The following COL9A3 variants were observed in gnomAD, a reference collection of about 807,000 sequenced individuals.
COL9A3 encodes the protein collagen alpha-3(IX) chain.
Under a neutral mutation model 110.2 loss-of-function variants are expected in COL9A3, and 82 were observed. That is an observed-to-expected ratio of 0.74 (90% CI 0.62 to 0.89). COL9A3 has a LOEUF of 0.89. Ranked by LOEUF, COL9A3 falls within the 40% of genes least tolerant of loss-of-function variation. The pLI is 0.00. For missense variants in COL9A3, 1,066 were observed against 981.3 expected, an observed-to-expected ratio of 1.09 and a Z score of -1.15; for synonymous variants, 494 against 403.8, an observed-to-expected ratio of 1.22 and a Z score of -2.68.
intron 1 of COL9A3, 120 bp downstream of exon 1, chr20:62,817,262 G>C: frequency 1.4e-6 from 1 of 721,780 alleles, no homozygotes. Flanking sequence ...CGCCGTCGGG[G>C]CGCGGAGTCG....
intron 20 of COL9A3, 48 bp from the exon 21 acceptor site, chr20:62,829,580 C>G: frequency 1.2e-6 from 2 of 1,610,716 alleles, no homozygotes; most frequent in Non-Finnish European, 8.5e-7. Context: ...AGCGACCTGG[C>G]CCCAGTGCAG....
chr20:62,832,322 C>A, intron 25 of COL9A3, 133 bp downstream of exon 25: 2 of 899,660 alleles, frequency 2.2e-6, no homozygotes, highest in South Asian at 1.4e-5. Flanking sequence ...CTTGCCGTGT[C>A]TGTCAGTCGC....
chr20:62,827,224 C>T lies in COL9A3; in HGVS notation c.793-17C>T, dbSNP rs1341479684. ...CATGGTGTTAACTCTGTCCCTGCCC[C>T]ACCTCATCCTTTCCAGGGTGACCGA... On this transcript the variant is annotated splice_polypyrimidine_tract_variant and intron_variant, in intron 15 of 31. Transcript: ENST00000649368. 3 of 1,613,166 alleles carry T rather than the reference C, an allele frequency of 1.9e-6. No homozygotes were observed. Among genetic ancestry groups the T allele is most frequent in the Non-Finnish European group, 1.7e-6 (2 of 1,179,892 alleles).
Position 62,817,614 on chromosome 20 carries a change from G to A in COL9A3, c.126G>A (p.Lys42=). ...GPPGPPGPPG[K]PGQDGIDGEA... ...CCGGCCCCCCAGGGCCGCCCGGGAA[G>A]CCCGGCCAGGACGGCATTGACGTGA... The change falls in exon 2 of 32, where the codon AAG becomes AAA. Residue 42 remains lysine (K), a synonymous_variant. Transcript: ENST00000649368. 1 of 1,546,922 alleles carries A rather than the reference G, an allele frequency of 6.5e-7. No individual in the cohort carries two copies.
At chr20:62,837,635 T>C (rs757561095) in intron 30 of COL9A3, among the ~76,000 whole-genome samples, 89 of 149,892 alleles carry the variant, frequency 5.9e-4, no homozygotes, top group Admixed American at 3.0e-3. Context: ...GGTGAAACCC[T>C]GTCTCTACTA....
Position 62,840,867 on chromosome 20 carries a change from C to T in COL9A3, c.*135C>T, listed in dbSNP as rs1031517803. On this transcript the variant is annotated 3_prime_UTR_variant, in exon 32 of 32. Transcript: ENST00000649368. ...CTGCCCCTCGGCCGCCGACTGGACG[C>T]GCGGGCCTTGCCAGCGAGCACCCTC... 12 of 1,015,058 alleles carry T rather than the reference C, an allele frequency of 1.2e-5. No individual in the cohort carries two copies. The highest frequency in any genetic ancestry group is 8.7e-5 in the South Asian group (6 of 68,872). The allele number at this position is 1,015,058 out of a possible 1,614,324, so 62.9% of individuals were successfully genotyped here.
intron 16 of COL9A3, 91 bp from the exon 17 acceptor site, chr20:62,827,832 C>T (rs1446980785): frequency 3.6e-6 from 5 of 1,400,674 alleles, no homozygotes; most frequent in Non-Finnish European, 5.1e-6. Context: ...CCCACCATAG[C>T]TCCTTGGTGT....
chr20:62,818,411 TG>T, intron 2 of COL9A3, 106 bp from the exon 3 acceptor site: 1 of 1,083,738 alleles, frequency 9.2e-7, no homozygotes, highest in Non-Finnish European at 1.4e-6. Context: ...CTGCTGGGGC[TG>T]GGCCTCTGGG....
At chr20:62,816,500 T>A (rs1397798303), upstream of COL9A3, among the ~76,000 whole-genome samples, 1 of 152,098 alleles carries the variant, frequency 6.6e-6, no homozygotes, top group Non-Finnish European at 1.5e-5. Context: ...GGGGCCGCGG[T>A]GGGGGTGCTC....
rs1255982482 is a variant in COL9A3, at chr20:62,838,674, C to T, written c.1787-10C>T. 29 of 1,551,916 alleles carry T rather than the reference C, an allele frequency of 1.9e-5. No homozygotes were observed. In the East Asian group the frequency reaches 2.9e-4, roughly 16 times the overall value. The stretch of plus-strand genomic sequence containing the variant: ...TCTAACCATATGTCTGTGTCCACAC[C>T]TCGTGACAGGAAACCAGGGTGACAG... On this transcript the variant is annotated splice_polypyrimidine_tract_variant and intron_variant, in intron 30 of 31. Transcript: ENST00000649368.
chr20:62,825,154 A>T (rs868360270), intron 12 of COL9A3, 133 bp downstream of exon 12: 1 of 29,934 alleles, frequency 3.3e-5, no homozygotes, highest in Non-Finnish European at 6.0e-5. Flanking sequence ...CTCCGGCGGG[A>T]GGGAGGGGCT....
chr20:62,837,125 C>T lies in COL9A3; in HGVS notation c.1646C>T (p.Ala549Val), dbSNP rs745531273. ...GCCGCGCACCTAAGGAAGCCTTTGG[C>T]ACCCGGGTCCATTGGTCGGCCCGGT... ...QLAAHLRKPLAPGSIGRPGPA... is the reference protein window; with the variant it reads ...QLAAHLRKPLVPGSIGRPGPA... Residue 549 changes from alanine to valine, a missense_variant, in exon 30 of 32, where the codon GCA becomes GTA. Coordinates refer to ENST00000649368, the MANE Select transcript of COL9A3 (RefSeq NM_001853.4). 5 of 1,613,484 alleles carry T rather than the reference C, an allele frequency of 3.1e-6. No homozygotes were observed. The highest frequency in any genetic ancestry group is 4.5e-5 in the East Asian group (2 of 44,872).
intron 16 of COL9A3, among the ~76,000 whole-genome samples, chr20:62,827,614 A>G (rs1384676226): frequency 6.6e-6 from 1 of 152,184 alleles, no homozygotes; most frequent in African/African-American, 2.4e-5. Flanking sequence ...GAACATAAGG[A>G]AAGTCCAGAG....
chr20:62,826,192 T>C lies in COL9A3; in HGVS notation c.685-12T>C. 4 of 1,557,792 alleles carry C rather than the reference T, an allele frequency of 2.6e-6. No homozygotes were observed. The highest frequency in any genetic ancestry group is 3.5e-6 in the Non-Finnish European group (4 of 1,151,438). Reference sequence around the variant, plus strand: ...CAGCCCCAGCCTCTGCATCTGTGCCTCTCTCTCGCAGGGCCCCCGGGGATT... The same window carrying C: ...CAGCCCCAGCCTCTGCATCTGTGCCCCTCTCTCGCAGGGCCCCCGGGGATT... On this transcript the variant is annotated splice_polypyrimidine_tract_variant and intron_variant, in intron 13 of 31. Transcript: ENST00000649368.
At chr20:62,817,878 C>T (rs1382374453) in intron 2 of COL9A3, 2 of 648,796 alleles carry the variant, frequency 3.1e-6, no homozygotes, top group South Asian at 3.1e-5. Context: ...AGGTGTGTGT[C>T]TCTGGGTCCC....
chr20:62,817,122 C>A lies in COL9A3; in HGVS notation c.58C>A (p.Leu20Met). Residue 20 changes from leucine (L) to methionine (M), a missense_variant, in exon 1 of 32, where the codon CTG becomes ATG. Physicochemically the swap from Leu to Met is conservative, Grantham distance 15 (BLOSUM62 2). Coordinates refer to ENST00000649368, the MANE Select transcript of COL9A3 (RefSeq NM_001853.4). The stretch of plus-strand genomic sequence containing the variant: ...GCTCCTGCTCCTGCTCGGGGAGCTT[C>A]TGGCGGCCGCCGGGGCGCAGGTGAG... ...LLLLLLLGEL[L>M]AAAGAQRVGL... The A allele has an allele frequency of 7.1e-7, 1 of 1,399,352 alleles. No individual in the cohort carries two copies. The highest frequency in any genetic ancestry group is 9.3e-7 in the Non-Finnish European group (1 of 1,071,290). The allele number at this position is 1,399,352 out of a possible 1,614,324, so 86.7% of individuals were successfully genotyped here. A position where few individuals can be genotyped will look rare whatever the true frequency, so the allele number is the denominator to read the frequency against.
chr20:62,820,112 G>A (rs1016889762), intron 5 of COL9A3, 130 bp downstream of exon 5: 3 of 1,111,238 alleles, frequency 2.7e-6, no homozygotes. Flanking sequence ...CGTGCCTGGG[G>A]TGGAGGGGCA....
intron 17 of COL9A3, among the ~76,000 whole-genome samples, chr20:62,828,560 C>A (rs2063571676): frequency 6.6e-6 from 1 of 152,256 alleles, no homozygotes; most frequent in Admixed American, 6.5e-5. Flanking sequence ...CCTCTGCCAC[C>A]CACCCGCACC....
At chr20:62,819,316 G>A (rs549398509) in intron 4 of COL9A3, 23 bp downstream of exon 4, 22 of 1,598,238 alleles carry the variant, frequency 1.4e-5, no homozygotes, top group South Asian at 4.5e-5. Flanking sequence ...GCCCCTCCCC[G>A]CCATGCCCCA....
Sources: allele counts gnomAD v4.1 joint callset (sites outside exome capture counted in the v4.1 genomes callset), GRCh38; gene constraint gnomAD v4.1.1; transcripts MANE v1.5; gene names NCBI Gene and HGNC (gene_info 2026-07-23, HGNC 2026-07-21).